The following TEKTIP1 variants were observed in gnomAD, a reference collection of about 807,000 sequenced individuals.
TEKTIP1 encodes the protein tektin bundle-interacting protein 1.
At chr19:3,539,337 TG>T in the TEKTIP1 span, 8 of 897,364 alleles carry the variant, frequency 8.9e-6, no homozygotes, top group East Asian at 2.1e-4. Context: ...ACATGGTGTT[TG>T]GTTTGGGGTC....
chr19:3,542,862 G>T, the TEKTIP1 span: 1 of 1,387,928 alleles, frequency 7.2e-7, no homozygotes, highest in Non-Finnish European at 9.7e-7. Flanking sequence ...TCCAGGCCAG[G>T]GGGGCTTCCC....
At chr19:3,539,467 C>T in the TEKTIP1 span, 3 of 561,846 alleles carry the variant, frequency 5.3e-6, no homozygotes, top group Admixed American at 6.0e-5. Context: ...GGAGACAGGC[C>T]AAGAACAAAT....
chr19:3,539,523 G>A, the TEKTIP1 span: 29 of 495,524 alleles, frequency 5.9e-5, no homozygotes, highest in Non-Finnish European at 9.8e-5. Context: ...TGGGAGCTTC[G>A]GCCACAGAAA....
chr19:3,539,198 G>C, the TEKTIP1 span: 1 of 1,550,474 alleles, frequency 6.4e-7, no homozygotes, highest in Non-Finnish European at 8.7e-7. Context: ...TCAGGCAAGA[G>C]GCTGCACGGC....
At chr19:3,541,168 CA>C in the TEKTIP1 span, among the ~76,000 whole-genome samples, 237 of 87,176 alleles carry the variant, frequency 2.7e-3, 1 homozygote, top group African/African-American at 7.7e-3. Flanking sequence ...GACTCTGTCT[CA>C]AAAAAAAAAA....
the TEKTIP1 span, chr19:3,542,220 G>A: frequency 1.0e-6 from 1 of 985,444 alleles, no homozygotes; most frequent in Non-Finnish European, 1.2e-6. Context: ...GAAAAGCCGA[G>A]TCTATGTGGG....
the TEKTIP1 span, chr19:3,543,836 C>T: frequency 3.3e-6 from 5 of 1,532,764 alleles, no homozygotes; most frequent in East Asian, 2.5e-5. Flanking sequence ...CAGTGCTCAA[C>T]AGGAACCGGT....
the TEKTIP1 span, chr19:3,540,038 GC>G: frequency 6.6e-6 from 1 of 151,426 alleles, no homozygotes; most frequent in Non-Finnish European, 1.5e-5. Context: ...GATCACTTGA[GC>G]CCAGGAGTTC....
the TEKTIP1 span, chr19:3,543,069 CTG>C: frequency 2.5e-6 from 4 of 1,592,130 alleles, no homozygotes; most frequent in Non-Finnish European, 3.4e-6. Context: ...AGCACCCACT[CTG>C]GGGTGAGGGG....
At chr19:3,543,001 T>A in the TEKTIP1 span, 5 of 1,597,322 alleles carry the variant, frequency 3.1e-6, no homozygotes, top group Admixed American at 8.4e-5. Flanking sequence ...GGTTTAGTGC[T>A]GACTTGGGTG....
chr19:3,541,758 C>G, the TEKTIP1 span: 1 of 985,278 alleles, frequency 1.0e-6, no homozygotes, highest in Non-Finnish European at 1.2e-6. Context: ...CAGGTGGGTA[C>G]GGGGCCGACA....
At chr19:3,540,805 G>A in the TEKTIP1 span, among the ~76,000 whole-genome samples, 72 of 148,930 alleles carry the variant, frequency 4.8e-4, 1 homozygote, top group African/African-American at 1.7e-3. Context: ...CTTGAACCTC[G>A]GAGGCAGAGG....
the TEKTIP1 span, chr19:3,542,084 A>G: frequency 1.7e-5 from 17 of 979,670 alleles, no homozygotes; most frequent in Non-Finnish European, 1.9e-5. Context: ...TGCTGGGATT[A>G]CAGGCATGAG....
chr19:3,539,553 A>G, the TEKTIP1 span: 4 of 449,782 alleles, frequency 8.9e-6, no homozygotes, highest in East Asian at 6.9e-5. Context: ...TCTGAAATCC[A>G]GGCCTGTGCG....
At chr19:3,539,255 G>A in the TEKTIP1 span, 1 of 1,547,828 alleles carries the variant, frequency 6.5e-7, no homozygotes, top group Non-Finnish European at 8.7e-7. Flanking sequence ...CAGCACCGCT[G>A]TACAGGTGAG....
chr19:3,543,679 C>A, the TEKTIP1 span: 1 of 1,534,396 alleles, frequency 6.5e-7, no homozygotes, highest in Non-Finnish European at 8.8e-7. Context: ...GCAAGGAATA[C>A]GGTGAGGCTA....
chr19:3,543,115 G>A, the TEKTIP1 span: 1 of 1,523,992 alleles, frequency 6.6e-7, no homozygotes, highest in African/African-American at 1.4e-5. Context: ...AAGTGGCGAG[G>A]GAGGGAGACC....
At chr19:3,539,521 T>C in the TEKTIP1 span, 1 of 496,668 alleles carries the variant, frequency 2.0e-6, no homozygotes. Context: ...ACTGGGAGCT[T>C]CGGCCACAGA....
At chr19:3,542,543 A>C in the TEKTIP1 span, 2 of 870,956 alleles carry the variant, frequency 2.3e-6, no homozygotes, top group Non-Finnish European at 2.8e-6. Flanking sequence ...GCACGATCTC[A>C]GCTTACTGCA....
Sources: allele counts gnomAD v4.1 joint callset (sites outside exome capture counted in the v4.1 genomes callset), GRCh38; gene constraint gnomAD v4.1.1; transcripts MANE v1.5; gene names NCBI Gene and HGNC (gene_info 2026-07-23, HGNC 2026-07-21).